The following MTMR2 variants were observed in gnomAD, a reference collection of about 807,000 sequenced individuals.
MTMR2 encodes myotubularin related protein 2.
MTMR2 carries 55 observed loss-of-function variants against 86.9 expected under a neutral mutation model. The observed-to-expected ratio is 0.63, with a 90% CI of 0.51 to 0.79. MTMR2 has a LOEUF of 0.79. Among genes scored for constraint, MTMR2 ranks in the 30% least tolerant of loss-of-function variants. The pLI is 0.00. For synonymous variants in MTMR2, 241 were observed against 266.8 expected, an observed-to-expected ratio of 0.90 and a Z score of 0.94; for missense variants, 659 against 772.3, an observed-to-expected ratio of 0.85 and a Z score of 1.74.
At chr11:95,838,718 C>T (rs1052030204) in intron 12 of MTMR2, among the ~76,000 whole-genome samples, 2 of 151,828 alleles carry the variant, frequency 1.3e-5, no homozygotes, top group Non-Finnish European at 2.9e-5. Flanking sequence ...ACTTTTGCAC[C>T]GACGTAAACT....
At chr11:95,923,699 T>A (rs1867019048) in intron 1 of MTMR2, 176 bp downstream of exon 1, 1 of 1,434,550 alleles carries the variant, frequency 7.0e-7, no homozygotes, top group Non-Finnish European at 9.1e-7. Context: ...AACCTCCTTT[T>A]CCTCAGCCTC....
intron 1 of MTMR2, among the ~76,000 whole-genome samples, chr11:95,906,111 G>A (rs1866264626): frequency 6.6e-6 from 1 of 152,130 alleles, no homozygotes; most frequent in Non-Finnish European, 1.5e-5. Flanking sequence ...TGTAATCTTA[G>A]TTATTCAGGA....
At chr11:95,858,726 A>G in intron 5 of MTMR2, 94 bp from the exon 6 acceptor site, 1 of 840,444 alleles carries the variant, frequency 1.2e-6, no homozygotes, top group Non-Finnish European at 2.0e-6. Context: ...AAATGTTAAG[A>G]TCTGTGAATG....
intron 6 of MTMR2, 99 bp downstream of exon 6, chr11:95,858,432 A>G: frequency 7.5e-6 from 6 of 801,820 alleles, no homozygotes; most frequent in Admixed American, 1.7e-5. Flanking sequence ...ATGTCAAAGC[A>G]GGGATGTAAA....
At chr11:95,904,607 T>C (rs572093476) in intron 1 of MTMR2, among the ~76,000 whole-genome samples, 1 of 152,322 alleles carries the variant, frequency 6.6e-6, no homozygotes, top group South Asian at 2.1e-4. Flanking sequence ...GACCTTTGGT[T>C]GTCCTTACTG....
At chr11:95,871,927 G>C (rs1386994126) in intron 2 of MTMR2, among the ~76,000 whole-genome samples, 1 of 152,082 alleles carries the variant, frequency 6.6e-6, no homozygotes, top group Non-Finnish European at 1.5e-5. Context: ...TGTAAGGAAG[G>C]GATCCAGTTT....
intron 5 of MTMR2, among the ~76,000 whole-genome samples, chr11:95,860,457 C>T (rs1179044087): frequency 2.0e-5 from 3 of 152,058 alleles, no homozygotes; most frequent in African/African-American, 7.2e-5. Context: ...GCCAAGATCA[C>T]GCCACTGCAC....
chr11:95,859,296 A>G (rs868248835), intron 5 of MTMR2, among the ~76,000 whole-genome samples: 6 of 152,252 alleles, frequency 3.9e-5, no homozygotes, highest in Admixed American at 6.5e-5. Flanking sequence ...AGTAAGGTCT[A>G]AAGACCAAGT....
rs1263779227 is a variant in MTMR2 at position 95,923,797 on chromosome 11, G to A, written c.80+78C>T. 3.3e-6 allele frequency: 5 copies of A among 1,518,066 alleles called. No homozygotes were observed. In the East Asian group the frequency reaches 1.2e-4, roughly 38 times the overall value. The allele number at this position is 1,518,066 out of a possible 1,614,324, so 94.0% of individuals were successfully genotyped here. ...CTTCAGAAACCAGAATCCGCGAATTGGGGCAACAATCCAGCAGGTCCCCGG... is the reference window on the plus strand; with the variant it reads ...CTTCAGAAACCAGAATCCGCGAATTAGGGCAACAATCCAGCAGGTCCCCGG... On this transcript the variant is annotated intron_variant, in intron 1 of 14. Coordinates refer to ENST00000346299, the MANE Select transcript of MTMR2 (RefSeq NM_016156.6).
At chr11:95,877,111 T>G (rs1865142205) in intron 2 of MTMR2, among the ~76,000 whole-genome samples, 1 of 152,232 alleles carries the variant, frequency 6.6e-6, no homozygotes, top group Non-Finnish European at 1.5e-5. Context: ...AAGGATTTTC[T>G]TAGTAACTTA....
chr11:95,836,053 T>A, intron 14 of MTMR2, 95 bp downstream of exon 14: 2 of 1,253,922 alleles, frequency 1.6e-6, no homozygotes, highest in South Asian at 2.4e-5. Flanking sequence ...GAGTAAAGTT[T>A]TAAATATGCA....
intron 2 of MTMR2, among the ~76,000 whole-genome samples, chr11:95,873,056 G>A (rs1443847512): frequency 6.6e-6 from 1 of 152,136 alleles, no homozygotes; most frequent in Non-Finnish European, 1.5e-5. Context: ...ATGTTCATCA[G>A]GAATACTGGT....
intron 7 of MTMR2, among the ~76,000 whole-genome samples, chr11:95,852,355 C>G (rs1289221787): frequency 6.6e-6 from 1 of 152,176 alleles, no homozygotes; most frequent in East Asian, 1.9e-4. Flanking sequence ...AATTTACTAT[C>G]GTATTCACTA....
intron 1 of MTMR2, among the ~76,000 whole-genome samples, chr11:95,916,364 T>TA (rs887923743): frequency 3.0e-4 from 45 of 151,930 alleles, no homozygotes; most frequent in Middle Eastern, 3.4e-3. Context: ...GGATGTAAGT[T>TA]AAAAAAAATG....
At chr11:95,861,183 GA>G (rs1367201225) in intron 5 of MTMR2, among the ~76,000 whole-genome samples, 3 of 150,784 alleles carry the variant, frequency 2.0e-5, no homozygotes, top group Admixed American at 1.3e-4. Context: ...ATGAGAACTA[GA>G]AACAGAAAAG....
intron 1 of MTMR2, among the ~76,000 whole-genome samples, chr11:95,889,184 A>G (rs1350611966): frequency 1.3e-5 from 2 of 148,578 alleles, no homozygotes; most frequent in Non-Finnish European, 3.0e-5. Context: ...CCCAGGCTGG[A>G]GTGCAATGGT....
At chr11:95,923,017 T>C (rs551116491) in intron 1 of MTMR2, among the ~76,000 whole-genome samples, 2 of 152,314 alleles carry the variant, frequency 1.3e-5, no homozygotes, top group South Asian at 4.1e-4. Flanking sequence ...ATACAGGTCT[T>C]ATATTATTTT....
At chr11:95,908,121 G>C (rs1213614180) in intron 1 of MTMR2, among the ~76,000 whole-genome samples, 10 of 151,944 alleles carry the variant, frequency 6.6e-5, no homozygotes, top group Non-Finnish European at 1.5e-4. Context: ...AAAGCTACTA[G>C]ATCTGATAAA....
At chr11:95,922,479 T>A (rs1235094126) in intron 1 of MTMR2, among the ~76,000 whole-genome samples, 1 of 151,902 alleles carries the variant, frequency 6.6e-6, no homozygotes, top group East Asian at 1.9e-4. Context: ...ATTCAAAAAA[T>A]ACTTGATTCA....
Sources: allele counts gnomAD v4.1 joint callset (sites outside exome capture counted in the v4.1 genomes callset), GRCh38; gene constraint gnomAD v4.1.1; transcripts MANE v1.5; gene names NCBI Gene and HGNC (gene_info 2026-07-23, HGNC 2026-07-21).